Variants in RPGRIP1L observed in about 807,000 individuals in gnomAD.
RPGRIP1L encodes RPGRIP1 like.
Under a neutral mutation model 160.4 loss-of-function variants are expected in RPGRIP1L, and 131 were observed. That is an observed-to-expected ratio of 0.82 (90% CI 0.71 to 0.94). The LOEUF (loss-of-function observed/expected upper bound fraction) is 0.94, where lower values mean the gene tolerates loss of function less well. Among genes scored for constraint, RPGRIP1L ranks in the 40% least tolerant of loss-of-function variants. The pLI is 0.00. For synonymous variants in RPGRIP1L, 510 were observed against 515.8 expected (o/e 0.99, Z 0.15); for missense variants, 1,522 against 1,535.8 (o/e 0.99, Z 0.15).
intron 15 of RPGRIP1L, among the ~76,000 whole-genome samples, chr16:53,649,548 G>A (rs1966806266): frequency 6.6e-6 from 1 of 152,160 alleles, no homozygotes. Context: ...TCTAATTCAA[G>A]TTTCAAGACA....
intron 6 of RPGRIP1L, among the ~76,000 whole-genome samples, chr16:53,676,936 G>C (rs1005009537): frequency 3.3e-5 from 5 of 151,950 alleles, no homozygotes; most frequent in African/African-American, 1.2e-4. Context: ...CCCGGCCGCA[G>C]TATGTTGATA....
At chr16:53,656,708 G>T in intron 13 of RPGRIP1L, 119 bp from the exon 14 acceptor site, 1 of 778,514 alleles carries the variant, frequency 1.3e-6, no homozygotes, top group South Asian at 1.4e-5. Context: ...ATGAACCATG[G>T]TTTCCTGACC....
intron 10 of RPGRIP1L, among the ~76,000 whole-genome samples, chr16:53,663,733 A>C (rs1322930220): frequency 2.0e-5 from 3 of 152,082 alleles, no homozygotes; most frequent in Admixed American, 2.0e-4. Flanking sequence ...TCTATCATCA[A>C]ATGTAGTCAC....
intron 2 of RPGRIP1L, among the ~76,000 whole-genome samples, chr16:53,697,136 TGA>T (rs1234498777): frequency 6.6e-6 from 1 of 150,902 alleles, no homozygotes; most frequent in Non-Finnish European, 1.5e-5. Flanking sequence ...TGCAGTGAGC[TGA>T]GATTGTGCCA....
intron 12 of RPGRIP1L, 95 bp from the exon 13 acceptor site, chr16:53,657,727 T>A: frequency 1.4e-6 from 1 of 718,664 alleles, no homozygotes; most frequent in African/African-American, 1.8e-5. Flanking sequence ...ATTCATTGAT[T>A]GATCAATTTT....
intron 22 of RPGRIP1L, among the ~76,000 whole-genome samples, chr16:53,626,473 G>A (rs1198125151): frequency 6.6e-6 from 1 of 152,002 alleles, no homozygotes; most frequent in Non-Finnish European, 1.5e-5. Flanking sequence ...TACCCTATTA[G>A]CATCCTCAGT....
At chr16:53,701,025 A>C (rs981851839) in intron 1 of RPGRIP1L, among the ~76,000 whole-genome samples, 9 of 152,194 alleles carry the variant, frequency 5.9e-5, no homozygotes, top group African/African-American at 1.9e-4. Flanking sequence ...CCTCCAAAAG[A>C]AAGCAGATAT....
rs549510932 is a variant in RPGRIP1L, at chr16:53,632,602, A to C, written c.3294+3837T>G. Among the ~76,000 whole-genome samples, 205 of 152,256 alleles carry C rather than the reference A, an allele frequency of 1.3e-3. 1 individual carries two copies. Among genetic ancestry groups the C allele is most frequent in the Non-Finnish European group, 2.6e-3 (174 of 68,028 alleles). On this transcript the variant is annotated intron_variant, in intron 22 of 26. Coordinates refer to ENST00000647211, the MANE Select transcript of RPGRIP1L (RefSeq NM_015272.5). The stretch of plus-strand genomic sequence containing the variant: ...GTGATCTTCTATCCCCATTCCTTAA[A>C]AATCTCAGAGGCCTCAACGCTCTGG...
At chr16:53,665,068 T>C (rs1968125294) in intron 9 of RPGRIP1L, 59 bp from the exon 10 acceptor site, 1 of 1,604,780 alleles carries the variant, frequency 6.2e-7, no homozygotes, top group Non-Finnish European at 8.5e-7. Context: ...CCGAAAATAA[T>C]AAAGAGAAAA....
At chr16:53,644,040 T>C (rs939069316) in intron 17 of RPGRIP1L, among the ~76,000 whole-genome samples, 2 of 152,160 alleles carry the variant, frequency 1.3e-5, no homozygotes, top group Admixed American at 1.3e-4. Flanking sequence ...TAGTAAGAGA[T>C]TATAATGTTT....
chr16:53,635,660 T>C (rs1269042789), intron 22 of RPGRIP1L: 1 of 152,112 alleles, frequency 6.6e-6, no homozygotes, highest in Admixed American at 6.6e-5. Context: ...AAACTAAGAA[T>C]GTGTGAAGGA....
chr16:53,598,261 A>C lies in RPGRIP1L; in HGVS notation c.*3815T>G, dbSNP rs1194195375. 1 of 152,212 alleles carries C rather than the reference A, an allele frequency of 6.6e-6. No individual in the cohort carries two copies. Among genetic ancestry groups the C allele is most frequent in the Admixed American group, 6.5e-5 (1 of 15,270 alleles). 9.4% of individuals were successfully genotyped at this position (152,212 alleles called of 1,614,324 possible). On this transcript the variant is annotated 3_prime_UTR_variant, in exon 27 of 27. Coordinates refer to ENST00000647211, the MANE Select transcript of RPGRIP1L (RefSeq NM_015272.5). ...AAAAGGTGACTCTCAATAGAGTGAG[A>C]AGAGGCAAAAAGCAGAAAAGTCAAA...
At chr16:53,633,306 A>G (rs77278091) in intron 22 of RPGRIP1L, among the ~76,000 whole-genome samples, 3,409 of 152,318 alleles carry the variant, frequency 0.022, 75 homozygotes, top group East Asian at 0.09. Flanking sequence ...ATATGATGCA[A>G]TGAAGAGCAC....
rs1967523040 is a variant in RPGRIP1L at position 53,658,931 on chromosome 16, G to A, written c.1244-53C>T. 4.3e-6 allele frequency: 5 copies of A among 1,155,582 alleles called. No homozygotes were observed. The Admixed American group carries it at 5.9e-5, about 14-fold the overall frequency. The allele number at this position is 1,155,582 out of a possible 1,614,324, so 71.6% of individuals were successfully genotyped here. A position where few individuals can be genotyped will look rare whatever the true frequency, so the allele number is the denominator to read the frequency against. The stretch of plus-strand genomic sequence containing the variant: ...AAGGTAAGTAAAAATCAGGTTTAAG[G>A]ACACATTTCAAATTACTTTAATTCC... On this transcript the variant is annotated intron_variant, in intron 10 of 26. Coordinates refer to ENST00000647211, the MANE Select transcript of RPGRIP1L (RefSeq NM_015272.5).
At chr16:53,602,260 A>T (rs898322667) in intron 26 of RPGRIP1L, 72 bp from the exon 27 acceptor site, 3 of 976,990 alleles carry the variant, frequency 3.1e-6, no homozygotes, top group Non-Finnish European at 1.6e-6. Flanking sequence ...CGCAGACAGA[A>T]ACAGTAGTTG....
chr16:53,609,608 C>G (rs1018265505), intron 25 of RPGRIP1L, among the ~76,000 whole-genome samples: 2 of 152,128 alleles, frequency 1.3e-5, no homozygotes, highest in African/African-American at 4.8e-5. Flanking sequence ...AATCGCAGCC[C>G]AGGACTTGTC....
Position 53,666,662 on chromosome 16 carries a change from G to A in RPGRIP1L, c.1104-1653C>T, listed in dbSNP as rs1399612817. Among the ~76,000 whole-genome samples the A allele has an allele frequency of 3.5e-5, 5 of 144,684 alleles. No homozygotes were observed. In the South Asian group the frequency reaches 6.5e-4, roughly 19 times the overall value. The allele number at this position is 144,684 out of a possible 152,430, so 94.9% of individuals were successfully genotyped here. A position where few individuals can be genotyped will look rare whatever the true frequency, so the allele number is the denominator to read the frequency against. On this transcript the variant is annotated intron_variant, in intron 9 of 26. Transcript: ENST00000647211. The stretch of plus-strand genomic sequence containing the variant: ...ATTTTATTAAAAACATGTACCACCC[G>A]GAAAAAAAAATTAGCATGATGAAAT...
intron 1 of RPGRIP1L, among the ~76,000 whole-genome samples, chr16:53,701,449 A>T (rs1039885144): frequency 6.6e-6 from 1 of 150,950 alleles, no homozygotes; most frequent in Non-Finnish European, 1.5e-5. Context: ...GTATTTTTGT[A>T]GTTTCTATTC....
chr16:53,645,554 C>T, intron 17 of RPGRIP1L, 71 bp downstream of exon 17: 1 of 1,410,218 alleles, frequency 7.1e-7, no homozygotes. Context: ...ATAAACGAAT[C>T]ATATCCATAA....
Sources: allele counts gnomAD v4.1 joint callset (sites outside exome capture counted in the v4.1 genomes callset), GRCh38; gene constraint gnomAD v4.1.1; transcripts MANE v1.5; gene names NCBI Gene and HGNC (gene_info 2026-07-23, HGNC 2026-07-21).